Variants in CASK observed in about 807,000 individuals in gnomAD.
CASK encodes peripheral plasma membrane protein CASK.
In CASK, 4 loss-of-function variants were observed where a neutral mutation model predicts 82.9. The ratio of observed to expected loss-of-function variants is 0.05; its 90% CI spans 0.02 to 0.11. The LOEUF (loss-of-function observed/expected upper bound fraction) is 0.11, where lower values mean the gene tolerates loss of function less well. Ranked by LOEUF, CASK falls within the 10% of genes least tolerant of loss-of-function variation. The pLI is 1.00. For missense variants in CASK, 358 were observed against 720.9 expected (o/e 0.50, Z 5.76); for synonymous variants, 259 against 253.5 (o/e 1.02, Z -0.20).
At chrX:41,588,662 C>T (rs1274247933) in intron 13 of CASK, 1 of 107,878 alleles carries the variant, frequency 9.3e-6, no homozygotes, top group African/African-American at 3.4e-5. Context: ...TAGTCTTTCA[C>T]ATAGTAATTT....
intron 1 of CASK, among the ~76,000 whole-genome samples, chrX:41,876,838 A>G (rs1251307556): frequency 8.9e-6 from 1 of 111,788 alleles, no homozygotes; most frequent in Non-Finnish European, 1.9e-5. Flanking sequence ...AATATCAAAA[A>G]TATTTCTTTT....
At chrX:41,579,505 CCTT>C (rs1441392679) in intron 14 of CASK, among the ~76,000 whole-genome samples, 3 of 111,819 alleles carry the variant, frequency 2.7e-5, no homozygotes, top group African/African-American at 9.7e-5. Context: ...AAAAGAATGT[CCTT>C]CTACTCACCA....
intron 5 of CASK, among the ~76,000 whole-genome samples, chrX:41,734,207 T>G (rs1432637382): frequency 2.7e-5 from 3 of 112,075 alleles, no homozygotes; most frequent in Non-Finnish European, 5.6e-5. Context: ...GGTAGCAATT[T>G]GCATTCTCAG....
At chrX:41,788,613 G>A (rs1311322179) in intron 2 of CASK, among the ~76,000 whole-genome samples, 1 of 111,296 alleles carries the variant, frequency 9.0e-6, no homozygotes, top group Non-Finnish European at 1.9e-5. Context: ...CTTACATAAG[G>A]GTAGAATGAG....
chrX:41,781,612 G>A (rs1571848), intron 3 of CASK, among the ~76,000 whole-genome samples: 21,444 of 111,472 alleles, frequency 0.19, 1,620 homozygotes, highest in Middle Eastern at 0.31. Flanking sequence ...AATTACATCT[G>A]TTGCCAGAAA....
intron 2 of CASK, among the ~76,000 whole-genome samples, chrX:41,808,268 T>C (rs1216951335): frequency 8.9e-6 from 1 of 111,981 alleles, no homozygotes; most frequent in Non-Finnish European, 1.9e-5. Context: ...AAGCAAGGCC[T>C]TGGCAGTTTG....
chrX:41,904,956 T>C (rs1195400), intron 1 of CASK, among the ~76,000 whole-genome samples: 20,418 of 111,663 alleles, frequency 0.18, 1,549 homozygotes, highest in Middle Eastern at 0.3. Context: ...TATCCCACAG[T>C]ATATATGTAC....
intron 5 of CASK, among the ~76,000 whole-genome samples, chrX:41,702,627 C>G (rs2067821685): frequency 1.8e-5 from 2 of 109,256 alleles, no homozygotes; most frequent in African/African-American, 6.7e-5. Flanking sequence ...AACCCCGTCT[C>G]TACTAAAAAT....
intron 5 of CASK, among the ~76,000 whole-genome samples, chrX:41,695,398 C>T: frequency 9.9e-6 from 1 of 100,884 alleles, no homozygotes; most frequent in Non-Finnish European, 2.1e-5. Flanking sequence ...TCACTACAGC[C>T]TTGAACTCCT....
chrX:41,628,262 A>G (rs972968671), intron 9 of CASK, among the ~76,000 whole-genome samples: 2 of 112,228 alleles, frequency 1.8e-5, no homozygotes, highest in Non-Finnish European at 3.8e-5. Context: ...TTTTCTGGAA[A>G]GATAAAACTT....
intron 7 of CASK, among the ~76,000 whole-genome samples, chrX:41,663,479 T>C (rs745937529): frequency 8.9e-6 from 1 of 112,550 alleles, no homozygotes; most frequent in Admixed American, 9.4e-5. Context: ...CTTACTATAA[T>C]ACTAGGAAGA....
chrX:41,700,671 C>T (rs759445838), intron 5 of CASK, among the ~76,000 whole-genome samples: 3 of 102,614 alleles, frequency 2.9e-5, no homozygotes, highest in Non-Finnish European at 5.9e-5. Flanking sequence ...CCTCTGCCTC[C>T]TGGGTTCAAG....
chrX:41,648,139 G>A (rs189685990), intron 8 of CASK, among the ~76,000 whole-genome samples: 2 of 111,310 alleles, frequency 1.8e-5, no homozygotes, highest in East Asian at 5.6e-4. Flanking sequence ...AAGAGAATGC[G>A]CACCTAGGAG....
intron 5 of CASK, among the ~76,000 whole-genome samples, chrX:41,738,379 T>C (rs1251917943): frequency 1.8e-5 from 2 of 112,709 alleles, no homozygotes; most frequent in Non-Finnish European, 3.7e-5. Flanking sequence ...AGTGAGATAT[T>C]TTACAACTAA....
intron 24 of CASK, among the ~76,000 whole-genome samples, chrX:41,533,514 A>G (rs753102762): frequency 8.9e-6 from 1 of 112,554 alleles, no homozygotes; most frequent in African/African-American, 3.2e-5. Context: ...AGATAACTGT[A>G]AGTGGTATTG....
intron 22 of CASK, among the ~76,000 whole-genome samples, chrX:41,535,507 G>T (rs1264809715): frequency 9.1e-6 from 1 of 109,629 alleles, no homozygotes. Flanking sequence ...GATGAAGGTG[G>T]CATGCTAGAT....
chrX:41,790,287 G>C, intron 2 of CASK: 1 of 634,436 alleles, frequency 1.6e-6, no homozygotes, highest in Non-Finnish European at 2.1e-6. Flanking sequence ...GGCTGGTCTT[G>C]AACTCCTGAC....
chrX:41,717,491 T>C (rs2068082910), intron 5 of CASK, among the ~76,000 whole-genome samples: 1 of 111,242 alleles, frequency 9.0e-6, no homozygotes, highest in Admixed American at 9.6e-5. Context: ...TAAGGAAAAA[T>C]AGTAGTGAGA....
chrX:41,555,684 G>A, intron 19 of CASK, 49 bp from the exon 20 acceptor site: 1 of 966,665 alleles, frequency 1.0e-6, no homozygotes, highest in Middle Eastern at 2.6e-4. Flanking sequence ...TATTTTTCAA[G>A]AGTACAAAGT....
Sources: gnomAD v4.1 joint callset for allele counts (sites outside exome capture counted in the v4.1 genomes callset) on GRCh38, gnomAD v4.1.1 for gene constraint, MANE v1.5 for transcripts, NCBI Gene and HGNC (gene_info 2026-07-23, HGNC 2026-07-21) for gene names.